The following CELF2 variants were observed in gnomAD, a reference collection of about 807,000 sequenced individuals.
The protein encoded by CELF2 is CUGBP Elav-like family member 2, also known as CUG triplet repeat RNA-binding protein 2.
CELF2 carries 8 observed loss-of-function variants against 62.6 expected under a neutral mutation model. The ratio of observed to expected loss-of-function variants is 0.13; its 90% CI spans 0.07 to 0.23. The LOEUF is 0.23. Ranked by LOEUF, CELF2 falls within the 10% of genes least tolerant of loss-of-function variation. CELF2 has a pLI of 1.00. For synonymous variants in CELF2, 258 were observed against 250.0 expected, an observed-to-expected ratio of 1.03 and a Z score of -0.30; for missense variants, 333 against 671.0, an observed-to-expected ratio of 0.50 and a Z score of 5.56.
At chr10:10,930,797 T>C (rs898598159) in intron 2 of CELF2, among the ~76,000 whole-genome samples, 1 of 152,244 alleles carries the variant, frequency 6.6e-6, no homozygotes, top group African/African-American at 2.4e-5. Flanking sequence ...TTCCAAGATA[T>C]AATAACATTC....
the CELF2 span, among the ~76,000 whole-genome samples, chr10:10,502,680 A>G: frequency 6.6e-6 from 1 of 151,892 alleles, no homozygotes; most frequent in African/African-American, 2.4e-5. Context: ...CAGTCTTGCT[A>G]GATGCTTGTC....
At chr10:10,927,485 T>C (rs1162932293) in intron 2 of CELF2, among the ~76,000 whole-genome samples, 1 of 152,100 alleles carries the variant, frequency 6.6e-6, no homozygotes, top group Non-Finnish European at 1.5e-5. Context: ...GAAAGTTCAG[T>C]GGCATGATCA....
intron 1 of CELF2, among the ~76,000 whole-genome samples, chr10:11,142,683 CAAAA>C (rs1006618543): frequency 1.1e-4 from 7 of 63,736 alleles, no homozygotes; most frequent in African/African-American, 4.0e-4. Context: ...GACGCTGTCT[CAAAA>C]AAAAAAAAAA....
At chr10:11,322,752 C>T (rs1396552079) in intron 11 of CELF2, among the ~76,000 whole-genome samples, 1 of 151,960 alleles carries the variant, frequency 6.6e-6, no homozygotes, top group Non-Finnish European at 1.5e-5. Context: ...ATTATTTCAA[C>T]TTTCTCTTTG....
In CELF2 at chr10:11,318,016, A is replaced by C. The variant is rs1055556935; in HGVS notation, c.1097-3173A>C. ...TCTTTTAAGTGGAAGCATTTTATTC[A>C]ACTTGACTTTCTTCACAGCTCTGCT... On this transcript the variant is annotated intron_variant, in intron 10 of 12. Coordinates refer to ENST00000633077, the MANE Select transcript of CELF2 (RefSeq NM_001326342.2). This position sits in a 1 kb window ranked among gnomAD's most constrained non-coding sequence, Gnocchi z 5.4. 6.6e-6 allele frequency: 1 copy of C among 152,258 alleles called. No homozygotes were observed. The highest frequency in any genetic ancestry group is 1.5e-5 in the Non-Finnish European group (1 of 68,044). 9.4% of individuals were successfully genotyped at this position (152,258 alleles called of 1,614,324 possible). A position where few individuals can be genotyped will look rare whatever the true frequency, so the allele number is the denominator to read the frequency against.
the CELF2 span, among the ~76,000 whole-genome samples, chr10:10,563,199 C>G: frequency 1.3e-5 from 2 of 152,038 alleles, no homozygotes; most frequent in Admixed American, 1.3e-4. Flanking sequence ...CGTTTTCTGT[C>G]TCTACTGACG....
chr10:10,881,973 AT>A (rs2061466425), intron 1 of CELF2, among the ~76,000 whole-genome samples: 1 of 152,222 alleles, frequency 6.6e-6, no homozygotes, highest in Non-Finnish European at 1.5e-5. Flanking sequence ...GTATTACTGC[AT>A]TTTGGCATCT....
chr10:10,937,520 T>C (rs2046560851), intron 2 of CELF2: 1 of 152,218 alleles, frequency 6.6e-6, no homozygotes, highest in Non-Finnish European at 1.5e-5. Context: ...CAGGAGTAAT[T>C]TCTCTTCAAA....
Position 11,018,084 on chromosome 10 carries a change from G to T in CELF2, c.-6G>T, listed in dbSNP as rs754265947. On this transcript the variant is annotated 5_prime_UTR_variant, in exon 1 of 13. Transcript: ENST00000633077. ...CCCGCCGCTGCCGCCGCGTGCGCCC[G>T]CGAACATGACTTCTGCCTTCAAGCT... 22 of 1,461,252 alleles carry T rather than the reference G, an allele frequency of 1.5e-5. No homozygotes were observed. In the East Asian group the frequency reaches 5.1e-4, roughly 34 times the overall value. The allele number at this position is 1,461,252 out of a possible 1,614,324, so 90.5% of individuals were successfully genotyped here.
intron 1 of CELF2, among the ~76,000 whole-genome samples, chr10:11,086,607 A>AAAAAC (rs2046867047): frequency 1.6e-5 from 2 of 124,328 alleles, no homozygotes; most frequent in African/African-American, 6.2e-5. Flanking sequence ...AAAAAAAAAA[A>AAAAAC]AAACTCCCGA....
intron 1 of CELF2, among the ~76,000 whole-genome samples, chr10:10,801,238 C>T (rs2054632620): frequency 6.6e-6 from 1 of 152,206 alleles, no homozygotes; most frequent in Non-Finnish European, 1.5e-5. Context: ...CAAGTTCATT[C>T]TGTCCACACC....
In CELF2 at chr10:10,871,136, G is replaced by C. The variant is rs530780603; in HGVS notation, c.54-48828G>C. ...GCCGGTTCGCAGTCAAGCTGAGCTG[G>C]GGACACTGGTACTTTCAAAATGTGT... On this transcript the variant is annotated intron_variant, in intron 1 of 13. Coordinates refer to the CELF2 transcript ENST00000636488. 5.3e-5 allele frequency among the ~76,000 whole-genome samples: 8 copies of C among 152,300 alleles called. No homozygotes were observed. In the East Asian group the frequency reaches 5.8e-4, roughly 11 times the overall value.
intron 1 of CELF2, among the ~76,000 whole-genome samples, chr10:11,158,149 CA>C (rs1354813538): frequency 6.6e-6 from 1 of 152,176 alleles, no homozygotes; most frequent in Admixed American, 6.5e-5. Flanking sequence ...GTCAATCATC[CA>C]AAGAGCCACT....
intron 2 of CELF2, among the ~76,000 whole-genome samples, chr10:11,192,067 A>G (rs1237061359): frequency 6.6e-6 from 1 of 152,056 alleles, no homozygotes; most frequent in Non-Finnish European, 1.5e-5. Flanking sequence ...TCCTGAGCAC[A>G]CTCATCAGGT....
the CELF2 span, among the ~76,000 whole-genome samples, chr10:10,488,163 A>G: frequency 3.3e-5 from 5 of 152,164 alleles, no homozygotes; most frequent in East Asian, 9.6e-4. Flanking sequence ...TTGAAGTATT[A>G]GTTAAGGATA....
chr10:10,626,584 T>C, the CELF2 span, among the ~76,000 whole-genome samples: 6 of 152,324 alleles, frequency 3.9e-5, no homozygotes, highest in South Asian at 8.3e-4. Flanking sequence ...TGCTATAGAT[T>C]TTTATTCTAA....
rs1329763268 is a variant in CELF2, at chr10:11,285,129, A to T, written c.842-3289A>T. Reference sequence around the variant, plus strand: ...GGGTGGATGGGCGGATGATGGATATATGGATGGATGGTTGGATGGATGGAT... The same window carrying T: ...GGGTGGATGGGCGGATGATGGATATTTGGATGGATGGTTGGATGGATGGAT... On this transcript the variant is annotated intron_variant, in intron 8 of 12. Coordinates refer to ENST00000633077, the MANE Select transcript of CELF2 (RefSeq NM_001326342.2). This position sits in a 1 kb window ranked among gnomAD's most constrained non-coding sequence, Gnocchi z 4.3. Among the ~76,000 whole-genome samples, 2 of 151,414 alleles carry T rather than the reference A, an allele frequency of 1.3e-5. No homozygotes were observed. The highest frequency in any genetic ancestry group is 2.9e-5 in the Non-Finnish European group (2 of 67,828).
chr10:11,203,512 G>A (rs1473393711), intron 2 of CELF2, among the ~76,000 whole-genome samples: 1 of 152,222 alleles, frequency 6.6e-6, no homozygotes, highest in African/African-American at 2.4e-5. Context: ...AAGTAAGGCA[G>A]TGTTTGGCAA....
At chr10:11,067,651 A>G (rs907138206) in intron 1 of CELF2, among the ~76,000 whole-genome samples, 1 of 152,226 alleles carries the variant, frequency 6.6e-6, no homozygotes, top group African/African-American at 2.4e-5. Context: ...CTTAGTGCCC[A>G]CCGGTTCCCA....
Sources: allele counts gnomAD v4.1 joint callset (sites outside exome capture counted in the v4.1 genomes callset), GRCh38; gene constraint gnomAD v4.1.1; non-coding constraint Gnocchi (gnomAD v3.1); transcripts MANE v1.5; gene names NCBI Gene and HGNC (gene_info 2026-07-23, HGNC 2026-07-21).